The following RTN1 variants were observed in gnomAD, a reference collection of about 807,000 sequenced individuals.
The protein encoded by RTN1 is reticulon-1.
In RTN1, 25 loss-of-function variants were observed where a neutral mutation model predicts 65.5. The observed-to-expected ratio is 0.38, with a 90% CI of 0.28 to 0.53. The LOEUF is 0.53. Ranked by LOEUF, RTN1 falls within the 20% of genes least tolerant of loss-of-function variation. The pLI is 0.79. For missense variants in RTN1, 983 were observed against 1,025.4 expected (o/e 0.96, Z 0.57); for synonymous variants, 471 against 447.6 (o/e 1.05, Z -0.66).
At chr14:59,659,801 G>C (rs1286686671) in intron 3 of RTN1, among the ~76,000 whole-genome samples, 1 of 152,170 alleles carries the variant, frequency 6.6e-6, no homozygotes, top group African/African-American at 2.4e-5. Flanking sequence ...AAATTGTAAA[G>C]ACCATCGACA....
At position 59,737,363 on chromosome 14, in the gene RTN1, C is replaced by T. The variant is rs188939740; in HGVS notation, c.1015+8345G>A. Among the ~76,000 whole-genome samples, 966 of 152,234 alleles carry T rather than the reference C, an allele frequency of 6.3e-3. 36 individuals carry two copies. Among genetic ancestry groups the T allele is most frequent in the Admixed American group, 0.055 (835 of 15,284 alleles). ...TGTGAAAATTGCTAGCATTCCTATA[C>T]AGCAACAACAGGCAAGCAGAGAGCC... On this transcript the variant is annotated intron_variant, in intron 2 of 8. Transcript: ENST00000267484.
Position 59,841,444 on chromosome 14 carries a change from C to CT in RTN1, c.241+28945dup, listed in dbSNP as rs199597920. Among the ~76,000 whole-genome samples the CT allele has an allele frequency of 4.6e-3, 700 of 152,238 alleles. 10 individuals carry two copies. Among genetic ancestry groups the CT allele is most frequent in the Middle Eastern group, 0.02 (6 of 294 alleles). ...GGTGTGGTGGCTTACACCTATAATC[C>CT]TAGAACTTTGGGAGGCCAAGGCAGG... On this transcript the variant is annotated intron_variant, in intron 1 of 8. Transcript: ENST00000267484.
At chr14:59,798,472 G>C (rs895512138) in intron 1 of RTN1, among the ~76,000 whole-genome samples, 3 of 152,162 alleles carry the variant, frequency 2.0e-5, no homozygotes, top group Non-Finnish European at 4.4e-5. Context: ...TTAGTAGCAT[G>C]GGTTCTTTAG....
At chr14:59,629,033 C>T (rs1245695503) in intron 3 of RTN1, among the ~76,000 whole-genome samples, 3 of 152,170 alleles carry the variant, frequency 2.0e-5, no homozygotes, top group Non-Finnish European at 2.9e-5. Flanking sequence ...TGGATCTAAA[C>T]ACAGAACAAG....
chr14:59,626,951 G>A (rs1882415633), intron 3 of RTN1, among the ~76,000 whole-genome samples: 1 of 152,202 alleles, frequency 6.6e-6, no homozygotes, highest in Admixed American at 6.5e-5. Flanking sequence ...GAATGTCTGT[G>A]AAAATATCTC....
chr14:59,777,176 T>C (rs1468601518), intron 1 of RTN1, among the ~76,000 whole-genome samples: 1 of 152,178 alleles, frequency 6.6e-6, no homozygotes, highest in Non-Finnish European at 1.5e-5. Context: ...TTTGGTCCGA[T>C]ACCGTGTTAT....
At chr14:59,616,332 CTGCCT>C (rs1274466495) in intron 3 of RTN1, among the ~76,000 whole-genome samples, 6 of 152,240 alleles carry the variant, frequency 3.9e-5, no homozygotes, top group African/African-American at 1.4e-4. Context: ...TTAACTGTGG[CTGCCT>C]TAAAATATTT....
At chr14:59,772,834 G>A (rs984734371) in intron 1 of RTN1, among the ~76,000 whole-genome samples, 8 of 151,984 alleles carry the variant, frequency 5.3e-5, no homozygotes, top group African/African-American at 1.7e-4. Context: ...CATTTTAGAG[G>A]TGGGAAATTT....
At chr14:59,753,070 T>A (rs1337939562) in intron 1 of RTN1, among the ~76,000 whole-genome samples, 1 of 152,216 alleles carries the variant, frequency 6.6e-6, no homozygotes, top group Non-Finnish European at 1.5e-5. Flanking sequence ...TTGACACAAC[T>A]TCCTTTTTAC....
chr14:59,767,331 A>G (rs1594733428), intron 1 of RTN1, among the ~76,000 whole-genome samples: 2 of 152,336 alleles, frequency 1.3e-5, no homozygotes, highest in East Asian at 3.9e-4. Context: ...TAAACTGTGA[A>G]CATGGTCTTG....
In RTN1 at chr14:59,866,269, C is replaced by T. The variant is rs188462111; in HGVS notation, c.241+4121G>A. Among the ~76,000 whole-genome samples, 11 of 152,196 alleles carry T rather than the reference C, an allele frequency of 7.2e-5. No individual in the cohort carries two copies. The East Asian group carries it at 1.4e-3, about 19-fold the overall frequency. On this transcript the variant is annotated intron_variant, in intron 1 of 8. Coordinates refer to ENST00000267484, the MANE Select transcript of RTN1 (RefSeq NM_021136.3). The stretch of plus-strand genomic sequence containing the variant: ...ATAAGTCTACTAAGTTGAATTGAAC[C>T]GCAATGGTTTCTCACTTTACAAAAG...
chr14:59,797,970 T>G (rs1052846338), intron 1 of RTN1, among the ~76,000 whole-genome samples: 2 of 152,190 alleles, frequency 1.3e-5, no homozygotes, highest in Non-Finnish European at 2.9e-5. Context: ...CTTGAGGGGC[T>G]TAATGGATTT....
At chr14:59,852,007 A>G (rs2139664302) in intron 1 of RTN1, among the ~76,000 whole-genome samples, 1 of 152,322 alleles carries the variant, frequency 6.6e-6, no homozygotes, top group Admixed American at 6.5e-5. Flanking sequence ...CTTTTGGTAA[A>G]ATAGGAACAG....
At chr14:59,711,046 A>G (rs1884409059) in intron 3 of RTN1, among the ~76,000 whole-genome samples, 1 of 152,212 alleles carries the variant, frequency 6.6e-6, no homozygotes, top group Admixed American at 6.5e-5. Context: ...TTCTTATTCT[A>G]GAGTTCATGC....
chr14:59,709,417 C>A (rs560994735), intron 3 of RTN1, among the ~76,000 whole-genome samples: 5 of 152,226 alleles, frequency 3.3e-5, no homozygotes, highest in African/African-American at 1.2e-4. Context: ...ACAACCTTAC[C>A]TTGTCTTCTT....
chr14:59,761,604 A>C (rs138245436), intron 1 of RTN1, among the ~76,000 whole-genome samples: 1 of 152,226 alleles, frequency 6.6e-6, no homozygotes, highest in African/African-American at 2.4e-5. Flanking sequence ...AACAGACTGA[A>C]GAAGACCCTA....
intron 3 of RTN1, among the ~76,000 whole-genome samples, chr14:59,642,186 A>G (rs1159691092): frequency 6.6e-6 from 1 of 152,158 alleles, no homozygotes; most frequent in East Asian, 1.9e-4. Flanking sequence ...AGACTTAATA[A>G]TTTCAGTTGA....
chr14:59,690,308 G>A (rs1178406733), intron 3 of RTN1, among the ~76,000 whole-genome samples: 1 of 151,726 alleles, frequency 6.6e-6, no homozygotes, highest in Non-Finnish European at 1.5e-5. Flanking sequence ...CGGAGGTGGG[G>A]GGGGGTCATT....
rs1243134769 is a variant in RTN1 at position 59,816,022 on chromosome 14, C to T, written c.241+54368G>A. Among the ~76,000 whole-genome samples the T allele has an allele frequency of 6.6e-6, 1 of 152,100 alleles. No homozygotes were observed. Among genetic ancestry groups the T allele is most frequent in the Non-Finnish European group, 1.5e-5 (1 of 68,014 alleles). ...GCTCTTCGTCCAAGATATGAAGTGC[C>T]TTCATGCAGCCTTCCTGGATTAATC... On this transcript the variant is annotated intron_variant, in intron 1 of 8. Transcript: ENST00000267484. The surrounding 1 kb of genome is among the most constrained non-coding windows in gnomAD (Gnocchi z 4.3).
Sources: gnomAD v4.1 joint callset for allele counts (sites outside exome capture counted in the v4.1 genomes callset) on GRCh38, gnomAD v4.1.1 for gene constraint, Gnocchi (gnomAD v3.1) non-coding constraint, MANE v1.5 for transcripts, NCBI Gene and HGNC (gene_info 2026-07-23, HGNC 2026-07-21) for gene names.